CTTN: variants seen among roughly 807,000 people sequenced by gnomAD.
The protein encoded by CTTN is cortactin.
CTTN carries 28 observed loss-of-function variants against 84.0 expected under a neutral mutation model. That is an observed-to-expected ratio of 0.33 (90% CI 0.25 to 0.46). The LOEUF is 0.46. CTTN is among the 20% of genes least tolerant of loss of function. The pLI is 1.00. For synonymous variants in CTTN, 301 were observed against 288.8 expected (o/e 1.04, Z -0.43); for missense variants, 641 against 723.8 (o/e 0.89, Z 1.31).
chr11:70,408,358 C>G (rs1011532054), intron 4 of CTTN: 1 of 152,178 alleles, frequency 6.6e-6, no homozygotes, highest in African/African-American at 2.4e-5. Flanking sequence ...GCACAGCCTG[C>G]ACAATGGCTT....
chr11:70,416,937 T>G, intron 7 of CTTN, 76 bp from the exon 8 acceptor site: 1 of 1,033,404 alleles, frequency 9.7e-7, no homozygotes, highest in Non-Finnish European at 1.5e-6. Flanking sequence ...CCCTACACAC[T>G]TTTGCTTAGT....
intron 8 of CTTN, among the ~76,000 whole-genome samples, 174 bp from the exon 9 acceptor site, chr11:70,419,572 T>C (rs2135575724): frequency 6.6e-6 from 1 of 152,332 alleles, no homozygotes; most frequent in East Asian, 1.9e-4. Context: ...TGGTTACCAC[T>C]GTTTGTGTTT....
intron 1 of CTTN, among the ~76,000 whole-genome samples, chr11:70,400,364 G>T (rs1051946524): frequency 6.6e-6 from 1 of 152,060 alleles, no homozygotes; most frequent in Admixed American, 6.5e-5. Context: ...TACTTGGGGC[G>T]CTGAGGCAGA....
chr11:70,405,118 ATCC>A (rs1298829480), intron 1 of CTTN, 144 bp from the exon 2 acceptor site: 4 of 152,222 alleles, frequency 2.6e-5, no homozygotes, highest in Non-Finnish European at 5.9e-5. Flanking sequence ...AAGTCTTCCC[ATCC>A]TCCTCTCAGA....
chr11:70,431,908 A>C (rs1001188439), intron 15 of CTTN, among the ~76,000 whole-genome samples: 1 of 150,988 alleles, frequency 6.6e-6, no homozygotes, highest in African/African-American at 2.4e-5. Flanking sequence ...CGCTAACCAC[A>C]CCCTCTACCT....
Position 70,419,789 on chromosome 11 carries a change from CAA to C in CTTN, c.614_615del (p.Lys205SerfsTer3). 1 of 1,612,582 alleles carries C rather than the reference CAA, an allele frequency of 6.2e-7. No individual in the cohort carries two copies. Among genetic ancestry groups the C allele is most frequent in the Non-Finnish European group, 8.5e-7 (1 of 1,179,754 alleles). ...FGGKYGIDKDKVDKSAVGFEY... is the reference protein window; with the variant it reads ...FGGKYGIDKDXVDKSAVGFEY... Reference sequence around the variant, plus strand: ...GCGGCAAATACGGTATCGACAAGGACAAAGTGGATAAGAGCGCCGTTGGCTTT... The same window carrying C: ...GCGGCAAATACGGTATCGACAAGGACAGTGGATAAGAGCGCCGTTGGCTTT... On this transcript the variant is annotated frameshift_variant, in exon 9 of 18. Transcript: ENST00000301843. LOFTEE classifies it high-confidence loss of function.
chr11:70,436,138 G>C lies in CTTN; in HGVS notation c.*976G>C. 2 of 1,439,564 alleles carry C rather than the reference G, an allele frequency of 1.4e-6. No individual in the cohort carries two copies. Among genetic ancestry groups the C allele is most frequent in the Non-Finnish European group, 1.8e-6 (2 of 1,102,478 alleles). The allele number at this position is 1,439,564 out of a possible 1,614,324, so 89.2% of individuals were successfully genotyped here. A position where few individuals can be genotyped will look rare whatever the true frequency, so the allele number is the denominator to read the frequency against. ...CTGTCAATGGGGGTGTAGTATTTTTGCCAAAATATCATGTTCAATTTCAGT... is the reference window on the plus strand; with the variant it reads ...CTGTCAATGGGGGTGTAGTATTTTTCCCAAAATATCATGTTCAATTTCAGT... On this transcript the variant is annotated 3_prime_UTR_variant, in exon 18 of 18. Transcript: ENST00000301843.
rs528510511 is a variant in CTTN, at chr11:70,407,278, C to T, written c.1-20C>T. ...ATGGCGCCCTGAGGCCTCCGTAACC[C>T]TCCCCGGCTGCTCTTTCAGATGTGG... On this transcript the variant is annotated intron_variant, in intron 2 of 17. Coordinates refer to ENST00000301843, the MANE Select transcript of CTTN (RefSeq NM_005231.4). 55 of 1,549,172 alleles carry T rather than the reference C, an allele frequency of 3.6e-5. No homozygotes were observed. The African/African-American group carries it at 7.4e-4, about 21-fold the overall frequency.
intron 14 of CTTN, among the ~76,000 whole-genome samples, chr11:70,429,754 GTGTC>G (rs2058335327): frequency 6.6e-6 from 1 of 152,220 alleles, no homozygotes; most frequent in African/African-American, 2.4e-5. Flanking sequence ...GCACGAGCCT[GTGTC>G]TGGGTGCTTT....
intron 8 of CTTN, among the ~76,000 whole-genome samples, chr11:70,418,948 T>C (rs937529246): frequency 6.6e-6 from 1 of 151,090 alleles, no homozygotes; most frequent in African/African-American, 2.4e-5. Context: ...AGCTAATTTT[T>C]GTATTTTTAG....
intron 8 of CTTN, among the ~76,000 whole-genome samples, chr11:70,418,988 G>A (rs1399153562): frequency 1.3e-5 from 2 of 151,612 alleles, no homozygotes; most frequent in African/African-American, 4.8e-5. Flanking sequence ...TGTTGCCCAG[G>A]ATGGTCTTGA....
chr11:70,409,456 G>A (rs975776201), intron 4 of CTTN, among the ~76,000 whole-genome samples: 4 of 152,204 alleles, frequency 2.6e-5, no homozygotes, highest in Non-Finnish European at 4.4e-5. Flanking sequence ...CCGAGGAAGG[G>A]ACCATAGCCT....
At chr11:70,420,649 C>T (rs770726267) in intron 10 of CTTN, 139 bp downstream of exon 10, 8 of 677,986 alleles carry the variant, frequency 1.2e-5, no homozygotes, top group Admixed American at 8.4e-5. Flanking sequence ...TCCTGTGTGC[C>T]CCCCCAATCC....
intron 15 of CTTN, among the ~76,000 whole-genome samples, 154 bp downstream of exon 15, chr11:70,431,434 G>C (rs1001462880): frequency 9.9e-5 from 15 of 152,098 alleles, no homozygotes; most frequent in African/African-American, 3.6e-4. Flanking sequence ...TGGGCCAGGA[G>C]CGCCTGGGGG....
intron 5 of CTTN, 56 bp from the exon 6 acceptor site, chr11:70,414,486 G>A: frequency 7.6e-7 from 1 of 1,314,184 alleles, no homozygotes; most frequent in Non-Finnish European, 1.1e-6. Context: ...CTGGGAGGAA[G>A]TGAAGCGCCG....
At chr11:70,412,652 G>A (rs955765625) in intron 5 of CTTN, among the ~76,000 whole-genome samples, 21 of 152,332 alleles carry the variant, frequency 1.4e-4, no homozygotes, top group African/African-American at 5.0e-4. Context: ...TGGGGCCTGA[G>A]CACACTGCAC....
At chr11:70,429,292 C>T in intron 14 of CTTN, 93 bp downstream of exon 14, 2 of 1,427,732 alleles carry the variant, frequency 1.4e-6, no homozygotes, top group South Asian at 2.5e-5. Flanking sequence ...CTTATTCTCT[C>T]CTGGCCAGGT....
chr11:70,433,547 C>T (rs1463326580), intron 16 of CTTN, 100 bp from the exon 17 acceptor site: 3 of 1,004,000 alleles, frequency 3.0e-6, no homozygotes, highest in African/African-American at 3.2e-5. Context: ...CGCCCTGTGT[C>T]CTTGAGACAA....
At chr11:70,427,584 G>A (rs1321192239) in intron 13 of CTTN, among the ~76,000 whole-genome samples, 1 of 152,262 alleles carries the variant, frequency 6.6e-6, no homozygotes, top group Admixed American at 6.5e-5. Flanking sequence ...TGAGGGCAGC[G>A]TGGGTGTCCT....
Sources: allele counts gnomAD v4.1 joint callset (sites outside exome capture counted in the v4.1 genomes callset), GRCh38; gene constraint gnomAD v4.1.1; transcripts MANE v1.5; gene names NCBI Gene and HGNC (gene_info 2026-07-23, HGNC 2026-07-21).